RIN2: variants seen among roughly 807,000 people sequenced by gnomAD.
RIN2 encodes the protein RAB5 interacting protein 2.
RIN2 carries 36 observed loss-of-function variants against 78.0 expected under a neutral mutation model. That is an observed-to-expected ratio of 0.46 (90% CI 0.35 to 0.61). The LOEUF (loss-of-function observed/expected upper bound fraction) is 0.61, where lower values mean the gene tolerates loss of function less well. Ranked by LOEUF, RIN2 falls within the 20% of genes least tolerant of loss-of-function variation. The pLI is 0.00. For missense variants in RIN2, 1,087 were observed against 1,159.7 expected (o/e 0.94, Z 0.91); for synonymous variants, 466 against 466.8 (o/e 1.00, Z 0.02).
chr20:19,925,019 G>A (rs390682), intron 3 of RIN2, among the ~76,000 whole-genome samples: 99,766 of 149,756 alleles, frequency 0.67, 34,030 homozygotes, highest in East Asian at 0.92. Context: ...GATTACAGGC[G>A]TGAGCCACTG....
rs1196154945 is a variant in RIN2 at position 19,889,555 on chromosome 20, T to A, written c.-36-11T>A. On this transcript the variant is annotated splice_polypyrimidine_tract_variant and intron_variant, in intron 2 of 12. Coordinates refer to ENST00000255006, the MANE Select transcript of RIN2 (RefSeq NM_018993.4). ...GGCTGGACTAACCATTAAAAATGTC[T>A]CTACCTTCAGGAGTCCCCGGCGTGC... is the stretch of plus-strand genomic sequence containing the variant. 2 of 1,547,600 alleles carry A rather than the reference T, an allele frequency of 1.3e-6. No individual in the cohort carries two copies. Among genetic ancestry groups the A allele is most frequent in the South Asian group, 2.4e-5 (2 of 83,420 alleles).
At chr20:19,942,118 A>AAAAAAAAAAAAAAAAAAAAAAG (rs61328325) in intron 4 of RIN2, among the ~76,000 whole-genome samples, 2 of 142,982 alleles carry the variant, frequency 1.4e-5, no homozygotes, top group African/African-American at 5.5e-5. Context: ...TCAAAAAAAA[A>AAAAAAAAAAAAAAAAAAAAAAG]AAAAGAAAGA....
intron 3 of RIN2, among the ~76,000 whole-genome samples, chr20:19,912,933 T>G (rs2039537027): frequency 6.6e-6 from 1 of 152,202 alleles, no homozygotes; most frequent in Non-Finnish European, 1.5e-5. Context: ...AGAGGTGCCA[T>G]GAGCGTGCGG....
At chr20:19,871,838 T>G (rs1055496388) in intron 2 of RIN2, 2 of 152,328 alleles carry the variant, frequency 1.3e-5, no homozygotes, top group Non-Finnish European at 2.9e-5. Context: ...ATCCCCAGTT[T>G]ATTTCAATGA....
At chr20:19,908,741 G>A (rs1013623498) in intron 3 of RIN2, among the ~76,000 whole-genome samples, 1 of 152,160 alleles carries the variant, frequency 6.6e-6, no homozygotes, top group African/African-American at 2.4e-5. Context: ...AGAAGTTGGC[G>A]GCCCTCCTTC....
chr20:19,955,606 G>C (rs1472811131), intron 4 of RIN2, among the ~76,000 whole-genome samples: 1 of 152,140 alleles, frequency 6.6e-6, no homozygotes, highest in Non-Finnish European at 1.5e-5. Context: ...CAAAGTGCTG[G>C]GATTATAGGC....
Position 19,960,795 on chromosome 20 carries a change from A to C in RIN2, c.447A>C (p.Ile149=), listed in dbSNP as rs1057524446. 2 of 1,595,240 alleles carry C rather than the reference A, an allele frequency of 1.3e-6. No individual in the cohort carries two copies. The highest frequency in any genetic ancestry group is 2.3e-5 in the South Asian group (2 of 87,462). Residue 149 remains isoleucine, a synonymous_variant, in exon 6 of 13, where the codon ATA becomes ATC. Coordinates refer to ENST00000255006, the MANE Select transcript of RIN2 (RefSeq NM_018993.4). The part of the protein sequence containing the change: ...EFGAPLKEFA[I]KESTYTFSLE... ...GGGCCCCACTCAAGGAATTTGCCAT[A>C]AAGGAAAGCACATACAGTAAGTGGT...
At chr20:19,989,055 A>G (rs145589379) in intron 9 of RIN2, among the ~76,000 whole-genome samples, 363 of 152,214 alleles carry the variant, frequency 2.4e-3, no homozygotes, top group Non-Finnish European at 4.4e-3. Context: ...TTCAATGCAT[A>G]TTTCCTAAAA....
chr20:19,865,544 G>A (rs1042051954), intron 2 of RIN2, among the ~76,000 whole-genome samples: 1 of 144,684 alleles, frequency 6.9e-6, no homozygotes, highest in East Asian at 2.0e-4. Context: ...CTAAAGTGCA[G>A]TGCTGCAATC....
intron 4 of RIN2, among the ~76,000 whole-genome samples, chr20:19,956,393 C>A (rs774350126): frequency 2.6e-5 from 4 of 151,882 alleles, no homozygotes; most frequent in African/African-American, 4.8e-5. Context: ...TCAGGTCTGC[C>A]CAGTGCAAAG....
At chr20:19,993,582 T>C (rs1456421870) in intron 11 of RIN2, among the ~76,000 whole-genome samples, 1 of 152,072 alleles carries the variant, frequency 6.6e-6, no homozygotes, top group Non-Finnish European at 1.5e-5. Flanking sequence ...CAGGCAGGTA[T>C]GAATGGGCCT....
intron 2 of RIN2, among the ~76,000 whole-genome samples, chr20:19,868,294 A>C (rs149321150): frequency 6.6e-6 from 1 of 152,360 alleles, no homozygotes; most frequent in South Asian, 2.1e-4. Context: ...AAATTGGGAC[A>C]TACGCGCTTT....
intron 4 of RIN2, among the ~76,000 whole-genome samples, chr20:19,951,094 A>G (rs1889473939): frequency 6.6e-6 from 1 of 151,876 alleles, no homozygotes; most frequent in African/African-American, 2.4e-5. Context: ...GGGTTTTGCC[A>G]TGTTGCCCGG....
chr20:19,889,464 A>C, intron 2 of RIN2, 102 bp from the exon 3 acceptor site: 1 of 1,242,932 alleles, frequency 8.0e-7, no homozygotes, highest in African/African-American at 1.5e-5. Context: ...TGTGTTGTTG[A>C]CGGAAAAAGA....
At chr20:19,764,504 C>T (rs914503216) in intron 1 of RIN2, among the ~76,000 whole-genome samples, 32 of 152,230 alleles carry the variant, frequency 2.1e-4, no homozygotes, top group African/African-American at 7.7e-4. Context: ...AACCTAAACG[C>T]TCATCATCTT....
intron 4 of RIN2, among the ~76,000 whole-genome samples, chr20:19,949,051 G>A (rs566716298): frequency 3.4e-5 from 5 of 147,670 alleles, no homozygotes; most frequent in Admixed American, 6.7e-5. Context: ...AGGCCAAGGC[G>A]GGGGATTGCC....
At position 19,959,394 on chromosome 20, in the gene RIN2, C is replaced by T. The variant is rs372827992; in HGVS notation, c.352-1306C>T. 7.8e-4 allele frequency among the ~76,000 whole-genome samples: 119 copies of T among 152,210 alleles called. 1 individual carries two copies. The South Asian group carries it at 0.018, about 23-fold the overall frequency. ...CCACAGTGCTTTGGCCTCTTACCCCCCTGGATGCTATTTAGGAAGCATCTG... is the reference window on the plus strand; with the variant it reads ...CCACAGTGCTTTGGCCTCTTACCCCTCTGGATGCTATTTAGGAAGCATCTG... On this transcript the variant is annotated intron_variant, in intron 5 of 12. Transcript: ENST00000255006.
intron 2 of RIN2, among the ~76,000 whole-genome samples, chr20:19,833,027 C>A (rs1047012772): frequency 6.6e-6 from 1 of 152,110 alleles, no homozygotes; most frequent in African/African-American, 2.4e-5. Flanking sequence ...ACTCCTAAGC[C>A]GGATTACCCT....
chr20:19,773,624 G>A (rs1173160923), intron 1 of RIN2, among the ~76,000 whole-genome samples: 5 of 151,896 alleles, frequency 3.3e-5, no homozygotes, highest in South Asian at 2.1e-4. Flanking sequence ...ATTTGGTGGC[G>A]TGCTGTCTAT....
Sources: gnomAD v4.1 joint callset for allele counts (sites outside exome capture counted in the v4.1 genomes callset) on GRCh38, gnomAD v4.1.1 for gene constraint, MANE v1.5 for transcripts, NCBI Gene and HGNC (gene_info 2026-07-23, HGNC 2026-07-21) for gene names.